PPARGC1A: variants seen among roughly 807,000 people sequenced by gnomAD.
PPARGC1A encodes the protein PPARG coactivator 1 alpha, also known as peroxisome proliferator-activated receptor gamma coactivator 1-alpha.
A neutral mutation model predicts 88.7 loss-of-function variants in PPARGC1A; 25 were observed. The ratio of observed to expected loss-of-function variants is 0.28; its 90% confidence interval spans 0.21 to 0.39. The LOEUF (loss-of-function observed/expected upper bound fraction) is 0.39. Ranked by LOEUF, PPARGC1A falls within the 10% of genes least tolerant of loss-of-function variation. The pLI, the probability that PPARGC1A is intolerant of heterozygous loss-of-function variation, is 1.00. For synonymous variants in PPARGC1A, 363 were observed against 355.6 expected (o/e 1.02, Z -0.24); for missense variants, 880 against 968.7 (o/e 0.91, Z 1.22).
At chr4:24,160,047 G>A in the PPARGC1A span, among the ~76,000 whole-genome samples, 473 of 152,314 alleles carry the variant, frequency 3.1e-3, 1 homozygote, top group Non-Finnish European at 5.3e-3. Context: ...GTGAGGTAGA[G>A]CACTGTGGGA....
At chr4:23,956,693 TA>T in the PPARGC1A span, among the ~76,000 whole-genome samples, 11 of 152,110 alleles carry the variant, frequency 7.2e-5, no homozygotes, top group Non-Finnish European at 8.8e-5. Flanking sequence ...TCCTTCTCTC[TA>T]AAATACAATG....
chr4:24,213,754 A>G, the PPARGC1A span, among the ~76,000 whole-genome samples: 1 of 152,236 alleles, frequency 6.6e-6, no homozygotes, highest in African/African-American at 2.4e-5. Flanking sequence ...ACAGAAGGAG[A>G]GAGAAAAAGG....
the PPARGC1A span, among the ~76,000 whole-genome samples, chr4:24,304,028 AC>A: frequency 6.6e-6 from 1 of 152,184 alleles, no homozygotes; most frequent in African/African-American, 2.4e-5. Context: ...AACCCCCACA[AC>A]TCCCTTGAAA....
At chr4:24,287,207 C>CA in the PPARGC1A span, among the ~76,000 whole-genome samples, 55,057 of 144,824 alleles carry the variant, frequency 0.38, 11,275 homozygotes, top group Non-Finnish European at 0.49. Context: ...CAGTTGTGAC[C>CA]AAAAAAAAAA....
chr4:23,929,963 C>G, the PPARGC1A span, among the ~76,000 whole-genome samples: 1 of 152,090 alleles, frequency 6.6e-6, no homozygotes, highest in South Asian at 2.1e-4. Flanking sequence ...CATAAACTCA[C>G]CAAGGAAATC....
chr4:24,126,433 T>C, the PPARGC1A span, among the ~76,000 whole-genome samples: 1 of 152,194 alleles, frequency 6.6e-6, no homozygotes, highest in African/African-American at 2.4e-5. Context: ...GAATGAGCTA[T>C]GTGACACTGA....
At chr4:24,223,041 G>A in the PPARGC1A span, among the ~76,000 whole-genome samples, 5 of 152,098 alleles carry the variant, frequency 3.3e-5, no homozygotes, top group Non-Finnish European at 2.9e-5. Context: ...TTGCGTAACA[G>A]TGTAAAATGT....
the PPARGC1A span, among the ~76,000 whole-genome samples, chr4:24,034,512 C>G: frequency 6.6e-6 from 1 of 152,180 alleles, no homozygotes; most frequent in South Asian, 2.1e-4. Context: ...GTATGTTATT[C>G]ATTAAGCATA....
At chr4:24,291,156 C>T in the PPARGC1A span, among the ~76,000 whole-genome samples, 1 of 152,158 alleles carries the variant, frequency 6.6e-6, no homozygotes, top group Non-Finnish European at 1.5e-5. Flanking sequence ...AAATAAGTCT[C>T]CAGGAATTAG....
chr4:23,828,846 T>C (rs904081688), intron 4 of PPARGC1A, among the ~76,000 whole-genome samples: 4 of 152,194 alleles, frequency 2.6e-5, no homozygotes, highest in Admixed American at 6.5e-5. Flanking sequence ...CTCAGCAACA[T>C]GTAACTAACA....
chr4:23,970,967 T>C, the PPARGC1A span, among the ~76,000 whole-genome samples: 1 of 152,298 alleles, frequency 6.6e-6, no homozygotes, highest in East Asian at 1.9e-4. Flanking sequence ...TGCATTGTTG[T>C]TAAAATATGA....
chr4:24,425,407 C>A, the PPARGC1A span, among the ~76,000 whole-genome samples: 1 of 152,148 alleles, frequency 6.6e-6, no homozygotes, highest in Admixed American at 6.5e-5. Context: ...TTTACTGCAG[C>A]ACCCAGGGTA....
At chr4:24,399,970 G>T in the PPARGC1A span, among the ~76,000 whole-genome samples, 1 of 151,958 alleles carries the variant, frequency 6.6e-6, no homozygotes, top group Middle Eastern at 3.4e-3. Flanking sequence ...AATTTTAGTG[G>T]AGACAGGGTT....
At chr4:23,846,397 T>C (rs1318811911) in intron 2 of PPARGC1A, among the ~76,000 whole-genome samples, 1 of 152,240 alleles carries the variant, frequency 6.6e-6, no homozygotes, top group Non-Finnish European at 1.5e-5. Context: ...TCCTTAGTTT[T>C]TCTATTATAC....
the PPARGC1A span, among the ~76,000 whole-genome samples, chr4:24,308,705 C>A: frequency 6.6e-6 from 1 of 152,040 alleles, no homozygotes; most frequent in East Asian, 1.9e-4. Flanking sequence ...TTAAATGGAA[C>A]AATTTGAGGT....
chr4:24,203,294 T>A, the PPARGC1A span, among the ~76,000 whole-genome samples: 1 of 152,152 alleles, frequency 6.6e-6, no homozygotes, highest in South Asian at 2.1e-4. Flanking sequence ...ATCCCAGCAC[T>A]TTGGGAGGCC....
chr4:24,321,375 G>A, the PPARGC1A span, among the ~76,000 whole-genome samples: 1 of 152,144 alleles, frequency 6.6e-6, no homozygotes, highest in African/African-American at 2.4e-5. Context: ...ATCCTATAAT[G>A]ATGAAGCTGG....
At chr4:23,833,940 A>C (rs1725526010) in intron 2 of PPARGC1A, among the ~76,000 whole-genome samples, 1 of 152,122 alleles carries the variant, frequency 6.6e-6, no homozygotes, top group African/African-American at 2.4e-5. Context: ...CAAGGCAGGA[A>C]GATCACTTGA....
At chr4:23,909,247 C>T in the PPARGC1A span, among the ~76,000 whole-genome samples, 1 of 152,076 alleles carries the variant, frequency 6.6e-6, no homozygotes, top group Non-Finnish European at 1.5e-5. Context: ...TATAGAGAAG[C>T]TCAGTAAAGT....
Sources: allele counts gnomAD v4.1 joint callset (sites outside exome capture counted in the v4.1 genomes callset), GRCh38; gene constraint gnomAD v4.1.1; transcripts MANE v1.5; gene names NCBI Gene and HGNC (gene_info 2026-07-23, HGNC 2026-07-21).